The following LUZP2 variants were observed in gnomAD, a reference collection of about 807,000 sequenced individuals.
LUZP2 encodes leucine zipper protein 2.
Under a neutral mutation model 51.6 loss-of-function variants are expected in LUZP2, and 52 were observed. The observed-to-expected ratio is 1.01, with a 90% CI of 0.81 to 1.27. The LOEUF (loss-of-function observed/expected upper bound fraction) is 1.27, where lower values mean the gene tolerates loss of function less well. Ranked by LOEUF, LUZP2 falls within the 50% of genes most tolerant of loss-of-function variation. LUZP2 has a pLI of 0.00. For missense variants in LUZP2, 436 were observed against 395.4 expected, an observed-to-expected ratio of 1.10 and a Z score of -0.87; for synonymous variants, 154 against 137.3, an observed-to-expected ratio of 1.12 and a Z score of -0.85.
intron 1 of LUZP2, among the ~76,000 whole-genome samples, chr11:24,567,873 C>A (rs1353664346): frequency 6.6e-6 from 1 of 152,048 alleles, no homozygotes; most frequent in Non-Finnish European, 1.5e-5. Context: ...TGATACAATA[C>A]AGGAATTATA....
At chr11:24,922,167 G>T (rs1854083043) in intron 7 of LUZP2, among the ~76,000 whole-genome samples, 3 of 152,008 alleles carry the variant, frequency 2.0e-5, no homozygotes, top group Non-Finnish European at 4.4e-5. Flanking sequence ...TATATCATTG[G>T]ATTAAAATAC....
chr11:24,711,172 T>A (rs187251951), intron 1 of LUZP2, among the ~76,000 whole-genome samples: 246 of 152,276 alleles, frequency 1.6e-3, no homozygotes, highest in Middle Eastern at 6.8e-3. Context: ...TTTCTGGGCC[T>A]GGCGCGGTGG....
At chr11:24,850,863 T>C (rs1346224478) in intron 5 of LUZP2, among the ~76,000 whole-genome samples, 1 of 152,184 alleles carries the variant, frequency 6.6e-6, no homozygotes, top group Non-Finnish European at 1.5e-5. Context: ...TTCCTAGGTA[T>C]TTTAATCTCT....
chr11:24,607,629 T>C (rs1853972443), intron 1 of LUZP2, among the ~76,000 whole-genome samples: 1 of 152,040 alleles, frequency 6.6e-6, no homozygotes, highest in Non-Finnish European at 1.5e-5. Context: ...GTCAGGTATG[T>C]TGTGATTCCA....
chr11:24,612,197 G>A (rs1032382790), intron 1 of LUZP2, among the ~76,000 whole-genome samples: 5 of 152,164 alleles, frequency 3.3e-5, no homozygotes, highest in African/African-American at 1.2e-4. Flanking sequence ...GGGAAAGAAA[G>A]AGGAATTAAT....
chr11:24,891,027 T>C, intron 5 of LUZP2: 2 of 983,590 alleles, frequency 2.0e-6, no homozygotes, highest in Non-Finnish European at 2.4e-6. Flanking sequence ...CGTTTATTCA[T>C]GGAAGGAACT....
At chr11:24,723,209 T>C (rs1162109384) in intron 1 of LUZP2, among the ~76,000 whole-genome samples, 2 of 152,098 alleles carry the variant, frequency 1.3e-5, no homozygotes, top group Admixed American at 6.6e-5. Flanking sequence ...AGTTACTGAA[T>C]TAAAAACAAG....
At chr11:24,525,887 G>T (rs1850784317) in intron 1 of LUZP2, among the ~76,000 whole-genome samples, 1 of 151,298 alleles carries the variant, frequency 6.6e-6, no homozygotes, top group African/African-American at 2.4e-5. Context: ...TGGAATACAA[G>T]CATGTAAGGG....
chr11:24,852,522 C>A (rs1851428405), intron 5 of LUZP2, among the ~76,000 whole-genome samples: 1 of 152,062 alleles, frequency 6.6e-6, no homozygotes, highest in African/African-American at 2.4e-5. Context: ...TGCTTTACTT[C>A]CAATTATGTG....
chr11:24,711,480 A>G lies in LUZP2; in HGVS notation c.63-17689A>G, dbSNP rs555190520. ...AAATAAATAAATAAATAAATAAATA[A>G]ATAAATAAATAAAGATTTTCTTTTG... On this transcript the variant is annotated intron_variant, in intron 1 of 11. Transcript: ENST00000336930. Among the ~76,000 whole-genome samples, 185 of 150,728 alleles carry G rather than the reference A, an allele frequency of 1.2e-3. 1 individual carries two copies. The highest frequency in any genetic ancestry group is 4.1e-3 in the African/African-American group (169 of 40,806).
intron 1 of LUZP2, among the ~76,000 whole-genome samples, chr11:24,684,712 G>A (rs139144499): frequency 2.0e-5 from 3 of 152,280 alleles, no homozygotes; most frequent in Admixed American, 6.5e-5. Flanking sequence ...GAGGTCTCCA[G>A]CTGTCTTGCT....
chr11:25,054,910 T>C (rs1858631067), intron 10 of LUZP2, among the ~76,000 whole-genome samples: 1 of 151,312 alleles, frequency 6.6e-6, no homozygotes, highest in Non-Finnish European at 1.5e-5. Context: ...TTACATTTCT[T>C]TGCAAATAAT....
intron 9 of LUZP2, among the ~76,000 whole-genome samples, chr11:25,000,075 C>CATTTTACA (rs372201290): frequency 1.3e-5 from 2 of 152,036 alleles, no homozygotes; most frequent in African/African-American, 2.4e-5. Flanking sequence ...CTGATTGGTC[C>CATTTTACA]GTTTGTACTG....
At chr11:24,702,027 C>T (rs1288979801) in intron 1 of LUZP2, among the ~76,000 whole-genome samples, 1 of 152,164 alleles carries the variant, frequency 6.6e-6, no homozygotes, top group Non-Finnish European at 1.5e-5. Context: ...GACTCGTGCA[C>T]ACTCTGTAAC....
chr11:24,906,681 G>A (rs1337489464), intron 6 of LUZP2, among the ~76,000 whole-genome samples: 1 of 152,144 alleles, frequency 6.6e-6, no homozygotes, highest in Non-Finnish European at 1.5e-5. Context: ...GAATGATACT[G>A]TCATGATAAG....
At position 25,056,437 on chromosome 11, in the gene LUZP2, T is replaced by G. The variant is rs560753063; in HGVS notation, c.858+6307T>G. Among the ~76,000 whole-genome samples, 87 of 152,230 alleles carry G rather than the reference T, an allele frequency of 5.7e-4. 1 individual carries two copies. The highest frequency in any genetic ancestry group is 1.1e-3 in the Non-Finnish European group (73 of 68,008). On this transcript the variant is annotated intron_variant, in intron 10 of 11. Coordinates refer to ENST00000336930, the MANE Select transcript of LUZP2 (RefSeq NM_001009909.4). ...CACCCTGACAGCTGATAGGACCCCA[T>G]GCAGTCTCTCAGTAAATAGATAAGA...
chr11:24,851,948 T>C (rs1160564982), intron 5 of LUZP2, among the ~76,000 whole-genome samples: 2 of 152,228 alleles, frequency 1.3e-5, no homozygotes, highest in Non-Finnish European at 2.9e-5. Context: ...TATATTTCTG[T>C]GGGATCAGTG....
At position 24,815,358 on chromosome 11, in the gene LUZP2, A is replaced by G. The variant is rs1397597135; in HGVS notation, c.396+52050A>G. Among the ~76,000 whole-genome samples the G allele has an allele frequency of 2.0e-5, 3 of 152,360 alleles. No individual in the cohort carries two copies. The East Asian group carries it at 5.8e-4, about 29-fold the overall frequency. ...TATATTGACTTTGATGCATATGGAA[A>G]GAAATTACGAAGTATATCTCAAATG... On this transcript the variant is annotated intron_variant, in intron 5 of 11. Coordinates refer to ENST00000336930, the MANE Select transcript of LUZP2 (RefSeq NM_001009909.4).
At chr11:24,693,315 A>G (rs1033888667) in intron 1 of LUZP2, among the ~76,000 whole-genome samples, 11 of 151,540 alleles carry the variant, frequency 7.3e-5, no homozygotes, top group African/African-American at 2.7e-4. Context: ...AACATAATAC[A>G]TCACAGAGGC....
Sources: gnomAD v4.1 joint callset for allele counts (sites outside exome capture counted in the v4.1 genomes callset) on GRCh38, gnomAD v4.1.1 for gene constraint, MANE v1.5 for transcripts, NCBI Gene and HGNC (gene_info 2026-07-23, HGNC 2026-07-21) for gene names.